CYP19A1: variants seen among roughly 807,000 people sequenced by gnomAD.
CYP19A1 encodes the protein aromatase.
Under a neutral mutation model 44.4 loss-of-function variants are expected in CYP19A1, and 32 were observed. The ratio of observed to expected loss-of-function variants is 0.72; its 90% CI spans 0.54 to 0.97. CYP19A1 has a LOEUF of 0.97. Among genes scored for constraint, CYP19A1 ranks in the 50% least tolerant of loss-of-function variants. The probability of loss-of-function intolerance (pLI) is 0.00; values close to 1 mark genes in which losing one functional copy is unlikely to be tolerated. For synonymous variants in CYP19A1, 212 were observed against 215.6 expected (o/e 0.98, Z 0.14); for missense variants, 598 against 637.8 (o/e 0.94, Z 0.67).
At chr15:51,295,182 A>G (rs936309) in intron 1 of CYP19A1, among the ~76,000 whole-genome samples, 3 of 149,398 alleles carry the variant, frequency 2.0e-5, no homozygotes, top group Non-Finnish European at 4.4e-5. Flanking sequence ...GACACAAAAT[A>G]TACAATAGAA....
intron 1 of CYP19A1, among the ~76,000 whole-genome samples, chr15:51,259,964 T>G (rs1185230355): frequency 1.3e-5 from 2 of 152,204 alleles, no homozygotes; most frequent in Non-Finnish European, 2.9e-5. Context: ...ATGAATATTG[T>G]TTTTGCCTTT....
chr15:51,281,590 C>T (rs2035519343), intron 1 of CYP19A1, among the ~76,000 whole-genome samples: 1 of 152,154 alleles, frequency 6.6e-6, no homozygotes, highest in African/African-American at 2.4e-5. Context: ...CAGCTGAGCC[C>T]TAGGGCAGCC....
chr15:51,316,560 C>A (rs187647342), intron 1 of CYP19A1, among the ~76,000 whole-genome samples: 28 of 152,088 alleles, frequency 1.8e-4, no homozygotes, highest in Non-Finnish European at 3.4e-4. Context: ...TCTGTTCTCC[C>A]AGTCTCCCCT....
chr15:51,242,053 A>G (rs774563230), intron 2 of CYP19A1: 1 of 153,948 alleles, frequency 6.5e-6, no homozygotes, highest in Non-Finnish European at 1.5e-5. Flanking sequence ...ATATCTGATC[A>G]TTGCGGCTTT....
rs2034914854 is a variant in CYP19A1 at position 51,266,261 on chromosome 15, A to G, written c.-38-23311T>C. Among the ~76,000 whole-genome samples, 4 of 152,382 alleles carry G rather than the reference A, an allele frequency of 2.6e-5. No homozygotes were observed. In the South Asian group the frequency reaches 8.3e-4, roughly 32 times the overall value. ...ATTCCTCTCCTTGCAAGGCACTTGC[A>G]TCTCCACGGACAGAGCAGGGCAAGC... On this transcript the variant is annotated intron_variant, in intron 1 of 9. Coordinates refer to ENST00000396402, the MANE Select transcript of CYP19A1 (RefSeq NM_000103.4).
intron 4 of CYP19A1, among the ~76,000 whole-genome samples, chr15:51,225,329 A>G (rs1478205266): frequency 6.6e-6 from 1 of 152,240 alleles, no homozygotes; most frequent in African/African-American, 2.4e-5. Flanking sequence ...AAAGTTAACT[A>G]CTACTAAATA....
chr15:51,296,967 C>G (rs553278172), intron 1 of CYP19A1, among the ~76,000 whole-genome samples: 1 of 152,262 alleles, frequency 6.6e-6, no homozygotes, highest in East Asian at 1.9e-4. Flanking sequence ...TGCCAGTGTA[C>G]CAGTTGGATT....
rs1205477549 is a variant in CYP19A1 at position 51,210,091 on chromosome 15, G to A, written c.*717C>T. On this transcript the variant is annotated 3_prime_UTR_variant, in exon 10 of 10. Transcript: ENST00000396402. ...ACTAAATTAGTTTGTATTACTTGAT[G>A]ATTATATATAGTTTGTATTACCTGA... The A allele has an allele frequency of 1.1e-5, 3 of 265,414 alleles. No individual in the cohort carries two copies. Among genetic ancestry groups the A allele is most frequent in the Non-Finnish European group, 2.2e-5 (3 of 135,220 alleles). 16.4% of individuals were successfully genotyped at this position (265,414 alleles called of 1,614,324 possible).
intron 1 of CYP19A1, among the ~76,000 whole-genome samples, chr15:51,250,587 TA>T (rs1444355777): frequency 6.6e-6 from 1 of 152,204 alleles, no homozygotes; most frequent in Non-Finnish European, 1.5e-5. Flanking sequence ...ATGACTGTTT[TA>T]AAAGACTTCT....
intron 4 of CYP19A1, 141 bp from the exon 5 acceptor site, chr15:51,222,666 C>A (rs185811945): frequency 2.7e-6 from 2 of 731,878 alleles, no homozygotes. Flanking sequence ...ATAATATTTT[C>A]GTATGCTTTT....
chr15:51,309,927 T>A (rs2036281715), intron 1 of CYP19A1, among the ~76,000 whole-genome samples: 1 of 152,188 alleles, frequency 6.6e-6, no homozygotes, highest in Non-Finnish European at 1.5e-5. Flanking sequence ...ATATAGCATA[T>A]GGTGGGCACC....
intron 1 of CYP19A1, among the ~76,000 whole-genome samples, chr15:51,294,952 A>G (rs1244054933): frequency 6.6e-6 from 1 of 151,098 alleles, no homozygotes; most frequent in African/African-American, 2.4e-5. Flanking sequence ...TAGACATGGG[A>G]GACTTTTCAT....
intron 2 of CYP19A1, among the ~76,000 whole-genome samples, chr15:51,241,049 C>T (rs917949480): frequency 3.9e-5 from 6 of 152,210 alleles, no homozygotes; most frequent in African/African-American, 1.2e-4. Flanking sequence ...ACTAGCTGAG[C>T]TCCTACCTCA....
At position 51,282,569 on chromosome 15, in the gene CYP19A1, C is replaced by T. The variant is rs57457557; in HGVS notation, c.-38-39619G>A. On this transcript the variant is annotated intron_variant, in intron 1 of 9. Coordinates refer to ENST00000396402, the MANE Select transcript of CYP19A1 (RefSeq NM_000103.4). ...TTCCAGAGCTCAGGGCCTTCACAGC[C>T]TCCATACTTGCGTTGGCCACCTGGA... 4.1e-3 allele frequency among the ~76,000 whole-genome samples: 622 copies of T among 152,370 alleles called. 6 individuals are homozygous for T. Among genetic ancestry groups the T allele is most frequent in the African/African-American group, 0.014 (590 of 41,584 alleles).
chr15:51,229,272 CCCAACTA>C lies in CYP19A1; in HGVS notation c.297-1346_297-1340del, dbSNP rs1438022749. On this transcript the variant is annotated intron_variant, in intron 3 of 9. Coordinates refer to ENST00000396402, the MANE Select transcript of CYP19A1 (RefSeq NM_000103.4). ...AGGTGTGGTAGTGTGTGCCTGTAGT[CCCAACTA>C]CTTGGTGGGCTGAGGCAGTAGGATA... Among the ~76,000 whole-genome samples the C allele has an allele frequency of 3.3e-5, 5 of 151,490 alleles. No homozygotes were observed. The East Asian group carries it at 7.7e-4, about 23-fold the overall frequency.
chr15:51,241,268 G>C (rs1253477857), intron 2 of CYP19A1, among the ~76,000 whole-genome samples: 2 of 152,188 alleles, frequency 1.3e-5, no homozygotes, highest in Non-Finnish European at 2.9e-5. Context: ...ATTAACATAA[G>C]CATCTGCGGG....
At chr15:51,335,370 C>T (rs548631043) in intron 1 of CYP19A1, among the ~76,000 whole-genome samples, 1 of 152,328 alleles carries the variant, frequency 6.6e-6, no homozygotes, top group Admixed American at 6.5e-5. Flanking sequence ...ACAACGGAAG[C>T]AATATCATCT....
At chr15:51,289,880 C>G (rs1258991005) in intron 1 of CYP19A1, among the ~76,000 whole-genome samples, 1 of 152,196 alleles carries the variant, frequency 6.6e-6, no homozygotes, top group Non-Finnish European at 1.5e-5. Flanking sequence ...ACACAGCATT[C>G]ATGCTACCAG....
At chr15:51,312,023 A>G (rs1386798809) in intron 1 of CYP19A1, among the ~76,000 whole-genome samples, 1 of 152,214 alleles carries the variant, frequency 6.6e-6, no homozygotes, top group African/African-American at 2.4e-5. Context: ...CTTTTCTGCC[A>G]AGAGTCTTTT....
Sources: allele counts gnomAD v4.1 joint callset (sites outside exome capture counted in the v4.1 genomes callset), GRCh38; gene constraint gnomAD v4.1.1; transcripts MANE v1.5; gene names NCBI Gene and HGNC (gene_info 2026-07-23, HGNC 2026-07-21).